Variants in CPED1 observed in about 807,000 individuals in gnomAD.
CPED1 encodes cadherin like and PC-esterase domain containing 1.
Under a neutral mutation model 128.2 loss-of-function variants are expected in CPED1, and 114 were observed. The ratio of observed to expected loss-of-function variants is 0.89; its 90% CI spans 0.76 to 1.04. The LOEUF (loss-of-function observed/expected upper bound fraction) is 1.04, where lower values mean the gene tolerates loss of function less well. Ranked by LOEUF, CPED1 falls within the 50% of genes least tolerant of loss-of-function variation. CPED1 has a pLI of 0.00. For missense variants in CPED1, 1,211 were observed against 1,207.1 expected (o/e 1.00, Z -0.05); for synonymous variants, 462 against 426.7 (o/e 1.08, Z -1.02).
Position 120,989,640 on chromosome 7 carries a change from T to C in CPED1, c.19T>C (p.Phe7Leu), listed in dbSNP as rs759985372. ...ACTGGTCATGGTCTGTCGCCCAGTGTTCCCTTGTCGTCGGCGATTTTGCCC... is the reference window on the plus strand; with the variant it reads ...ACTGGTCATGGTCTGTCGCCCAGTGCTCCCTTGTCGTCGGCGATTTTGCCC... Reference protein sequence around the residue: MVCRPVFPCRRRFCPRP... With the variant: MVCRPVLPCRRRFCPRP... The change falls in exon 2 of 23, where the codon TTC (phenylalanine) becomes CTC (leucine). Residue 7 changes from phenylalanine (F) to leucine (L), a missense_variant. Transcript: ENST00000310396. 3 of 1,613,944 alleles carry C rather than the reference T, an allele frequency of 1.9e-6. No homozygotes were observed. In the East Asian group the frequency reaches 6.7e-5, roughly 36 times the overall value.
rs866494346 is a variant in CPED1 at position 121,127,311 on chromosome 7, G to A, written c.1302+54G>A. The A allele has an allele frequency of 3.5e-6, 4 of 1,136,464 alleles. No homozygotes were observed. The Middle Eastern group carries it at 8.6e-4, about 244-fold the overall frequency. 70.4% of individuals were successfully genotyped at this position (1,136,464 alleles called of 1,614,324 possible). A position where few individuals can be genotyped will look rare whatever the true frequency, so the allele number is the denominator to read the frequency against. On this transcript the variant is annotated intron_variant, in intron 10 of 22. Coordinates refer to ENST00000310396, the MANE Select transcript of CPED1 (RefSeq NM_024913.5). ...ATTTTTTCAAGTCATTCCTTAGAAG[G>A]TGTCATTCTCCTTATTCTGCAATTC...
chr7:121,287,540 T>A (rs1390750169), intron 22 of CPED1, among the ~76,000 whole-genome samples: 4 of 152,154 alleles, frequency 2.6e-5, no homozygotes. Flanking sequence ...TAGATTCAAA[T>A]CATAATGAGT....
chr7:121,193,283 A>G (rs1563060583), intron 16 of CPED1, among the ~76,000 whole-genome samples: 1 of 152,172 alleles, frequency 6.6e-6, no homozygotes, highest in African/African-American at 2.4e-5. Flanking sequence ...AGAAGAAACC[A>G]AAAGTGAAAT....
At chr7:121,133,676 G>C (rs567738204) in intron 12 of CPED1, 147 bp from the exon 13 acceptor site, 37 of 559,954 alleles carry the variant, frequency 6.6e-5, no homozygotes, top group African/African-American at 6.5e-4. Context: ...TAGATTGCCA[G>C]TTTTGAGGAT....
At chr7:121,155,567 C>T (rs141345390) in intron 16 of CPED1, among the ~76,000 whole-genome samples, 295 of 152,250 alleles carry the variant, frequency 1.9e-3, no homozygotes, top group African/African-American at 6.7e-3. Flanking sequence ...CATTTACAGC[C>T]AATTCACTTT....
intron 16 of CPED1, among the ~76,000 whole-genome samples, chr7:121,215,632 C>G (rs1221657603): frequency 6.6e-6 from 1 of 152,024 alleles, no homozygotes; most frequent in Non-Finnish European, 1.5e-5. Context: ...TGAGATTTGT[C>G]TTCATATCAT....
chr7:121,177,408 T>C, intron 16 of CPED1, among the ~76,000 whole-genome samples: 1 of 152,066 alleles, frequency 6.6e-6, no homozygotes, highest in Non-Finnish European at 1.5e-5. Flanking sequence ...AAGCTGTATT[T>C]AAGTCAATTT....
chr7:121,028,733 G>T (rs983152683), intron 3 of CPED1, among the ~76,000 whole-genome samples: 2 of 152,152 alleles, frequency 1.3e-5, no homozygotes, highest in Non-Finnish European at 2.9e-5. Flanking sequence ...TGTCTAAATT[G>T]CTTAATTTCT....
At chr7:120,995,658 C>T (rs1045753939) in intron 2 of CPED1, among the ~76,000 whole-genome samples, 1 of 152,140 alleles carries the variant, frequency 6.6e-6, no homozygotes. Context: ...CTTAACCTCC[C>T]TATTTCCATG....
At chr7:121,118,723 G>T (rs1489136433) in intron 7 of CPED1, among the ~76,000 whole-genome samples, 1 of 152,126 alleles carries the variant, frequency 6.6e-6, no homozygotes, top group Non-Finnish European at 1.5e-5. Flanking sequence ...GAAGTATGGT[G>T]CAGGCATCTG....
intron 11 of CPED1, among the ~76,000 whole-genome samples, 189 bp downstream of exon 11, chr7:121,128,675 G>A (rs1795571140): frequency 6.6e-6 from 1 of 152,118 alleles, no homozygotes; most frequent in South Asian, 2.1e-4. Context: ...AACTTTAAGA[G>A]TTTGCAAACA....
chr7:121,205,090 C>T (rs1414949266), intron 16 of CPED1, among the ~76,000 whole-genome samples: 3 of 152,076 alleles, frequency 2.0e-5, no homozygotes, highest in Middle Eastern at 6.8e-3. Flanking sequence ...ATTTTAAATA[C>T]TAAGAAAACT....
In CPED1 at chr7:120,989,731, G is replaced by C. The variant is rs771443560; in HGVS notation, c.110G>C (p.Gly37Ala). ...TTCTACCAGACTCTGACCCTCCGAG[G>C]GTCGAGGAAGCTCACAGCCGCTGCC... is the stretch of plus-strand genomic sequence containing the variant. The part of the protein sequence containing the change: ...CLFYQTLTLR[G>A]SRKLTAAAPG... Residue 37 changes from glycine to alanine, a missense_variant, in exon 2 of 23, where the codon GGG becomes GCG. Coordinates refer to ENST00000310396, the MANE Select transcript of CPED1 (RefSeq NM_024913.5). 2 of 1,613,812 alleles carry C rather than the reference G, an allele frequency of 1.2e-6. No individual in the cohort carries two copies. The highest frequency in any genetic ancestry group is 8.5e-7 in the Non-Finnish European group (1 of 1,179,960).
chr7:120,992,582 G>A (rs1450993314), intron 2 of CPED1, among the ~76,000 whole-genome samples: 1 of 152,132 alleles, frequency 6.6e-6, no homozygotes, highest in Non-Finnish European at 1.5e-5. Context: ...TGTGTAAACT[G>A]GATGTAGATT....
At chr7:121,240,820 C>T (rs1798375310) in intron 17 of CPED1, among the ~76,000 whole-genome samples, 1 of 148,734 alleles carries the variant, frequency 6.7e-6, no homozygotes, top group Admixed American at 6.7e-5. Context: ...ACTCTAAGGC[C>T]TCTTCTGACT....
chr7:121,262,811 T>A (rs1449734539), intron 18 of CPED1, among the ~76,000 whole-genome samples: 1 of 152,046 alleles, frequency 6.6e-6, no homozygotes, highest in Non-Finnish European at 1.5e-5. Context: ...AACAAATCAC[T>A]CTTTAATTCC....
At chr7:121,041,645 A>G (rs537508710) in intron 3 of CPED1, among the ~76,000 whole-genome samples, 1 of 152,236 alleles carries the variant, frequency 6.6e-6, no homozygotes, top group South Asian at 2.1e-4. Context: ...TGTTTGCTTT[A>G]TGGCAGCCTG....
At chr7:121,167,843 T>G (rs1403111664) in intron 16 of CPED1, among the ~76,000 whole-genome samples, 1 of 150,232 alleles carries the variant, frequency 6.7e-6, no homozygotes, top group Admixed American at 6.7e-5. Context: ...GCCATTCTCC[T>G]GCCTCAGCCT....
intron 14 of CPED1, among the ~76,000 whole-genome samples, chr7:121,137,303 C>T (rs1195094338): frequency 6.6e-6 from 1 of 152,038 alleles, no homozygotes; most frequent in South Asian, 2.1e-4. Context: ...TCCCAAGTAG[C>T]TAGGACTATA....
Sources: allele counts gnomAD v4.1 joint callset (sites outside exome capture counted in the v4.1 genomes callset), GRCh38; gene constraint gnomAD v4.1.1; transcripts MANE v1.5; gene names NCBI Gene and HGNC (gene_info 2026-07-23, HGNC 2026-07-21).